Variants in TCF7L1 observed in about 807,000 individuals in gnomAD.
TCF7L1 encodes the protein transcription factor 7-like 1.
A neutral mutation model predicts 63.7 loss-of-function variants in TCF7L1; 18 were observed. The ratio of observed to expected loss-of-function variants is 0.28; its 90% CI spans 0.20 to 0.42. TCF7L1 has a LOEUF of 0.42. TCF7L1 is among the 10% of genes least tolerant of loss of function. The pLI is 1.00. For missense variants in TCF7L1, 654 were observed against 779.3 expected, an observed-to-expected ratio of 0.84 and a Z score of 1.91; for synonymous variants, 355 against 340.9, an observed-to-expected ratio of 1.04 and a Z score of -0.46.
intron 3 of TCF7L1, among the ~76,000 whole-genome samples, chr2:85,229,644 T>C (rs1680029127): frequency 6.6e-6 from 1 of 152,002 alleles, no homozygotes; most frequent in African/African-American, 2.4e-5. Context: ...TTAAAGAAAA[T>C]TTGGAGATTG....
At chr2:85,184,628 G>C (rs1572981124) in intron 3 of TCF7L1, among the ~76,000 whole-genome samples, 1 of 152,132 alleles carries the variant, frequency 6.6e-6, no homozygotes, top group African/African-American at 2.4e-5. Flanking sequence ...CGCAGAAGAT[G>C]ATCTCATCAA....
rs1393829531 is a variant in TCF7L1, at chr2:85,308,437, C to T, written c.1334-592C>T. On this transcript the variant is annotated intron_variant, in intron 11 of 11. Transcript: ENST00000282111. ...TCCCCTTCCCTCCCTCCTTTTCTCC[C>T]TCCCTTTCTCTTTCCCTCCCTCTCT... Among the ~76,000 whole-genome samples the T allele has an allele frequency of 4.4e-5, 4 of 90,636 alleles. 1 individual carries two copies. The East Asian group carries it at 2.0e-3, about 46-fold the overall frequency. The allele number at this position is 90,636 out of a possible 152,430, so 59.5% of individuals were successfully genotyped here.
chr2:85,298,931 C>T (rs191138539), intron 4 of TCF7L1, among the ~76,000 whole-genome samples: 45 of 152,082 alleles, frequency 3.0e-4, no homozygotes, highest in African/African-American at 9.6e-4. Flanking sequence ...CCTTCCCTCC[C>T]GGTTCATTTT....
rs1179561080 is a variant in TCF7L1, at chr2:85,143,407, A to G, written c.441+8957A>G. Among the ~76,000 whole-genome samples, 46 of 152,182 alleles carry G rather than the reference A, an allele frequency of 3.0e-4. 1 individual carries two copies. The highest frequency in any genetic ancestry group is 3.0e-3 in the Admixed American group (46 of 15,280). Reference sequence around the variant, plus strand: ...CTTCAATGCTGGCAAATATGAGGTAAAATGGCTGCTCCGGCTGCTCTTTTT... The same window carrying G: ...CTTCAATGCTGGCAAATATGAGGTAGAATGGCTGCTCCGGCTGCTCTTTTT... On this transcript the variant is annotated intron_variant, in intron 3 of 11. Transcript: ENST00000282111.
chr2:85,170,467 G>T (rs931330079), intron 3 of TCF7L1, among the ~76,000 whole-genome samples: 1 of 152,144 alleles, frequency 6.6e-6, no homozygotes, highest in Non-Finnish European at 1.5e-5. Flanking sequence ...TTTGTTCCTG[G>T]TGCCATGCCA....
At chr2:85,195,942 G>A (rs758595768) in intron 3 of TCF7L1, among the ~76,000 whole-genome samples, 8 of 152,190 alleles carry the variant, frequency 5.3e-5, no homozygotes, top group African/African-American at 7.2e-5. Flanking sequence ...AGCTGACTGA[G>A]ATCAGAAAAA....
At chr2:85,160,381 C>G (rs1398516083) in intron 3 of TCF7L1, among the ~76,000 whole-genome samples, 2 of 152,158 alleles carry the variant, frequency 1.3e-5, no homozygotes, top group Non-Finnish European at 2.9e-5. Flanking sequence ...TGTGTCACCA[C>G]GCCCAGCAAA....
At chr2:85,294,198 G>T (rs1291245897) in intron 4 of TCF7L1, among the ~76,000 whole-genome samples, 2 of 151,804 alleles carry the variant, frequency 1.3e-5, no homozygotes, top group Non-Finnish European at 2.9e-5. Context: ...CACCACGCCC[G>T]GCTAATTTTT....
chr2:85,134,209 C>CCGTGGGGCGCG lies in TCF7L1; in HGVS notation c.314-106_314-96dup, dbSNP rs1347616084. The CCGTGGGGCGCG allele has an allele frequency of 6.7e-7, 1 of 1,482,916 alleles. No homozygotes were observed. The highest frequency in any genetic ancestry group is 9.0e-7 in the Non-Finnish European group (1 of 1,114,750). The allele number at this position is 1,482,916 out of a possible 1,614,324, so 91.9% of individuals were successfully genotyped here. On this transcript the variant is annotated intron_variant, in intron 2 of 11. Coordinates refer to ENST00000282111, the MANE Select transcript of TCF7L1 (RefSeq NM_031283.3). This position sits in a 1 kb window ranked among gnomAD's most constrained non-coding sequence, Gnocchi z 5.0. ...CCTCCGCCTTTATTGGCGGCAGCCCCCGTGGGGCGCGCGTGGGGGGCGCTG... is the reference window on the plus strand; with the variant it reads ...CCTCCGCCTTTATTGGCGGCAGCCCCCGTGGGGCGCGCGTGGGGCGCGCGTGGGGGGCGCTG...
chr2:85,261,317 A>G (rs1427043948), intron 3 of TCF7L1, among the ~76,000 whole-genome samples: 1 of 152,212 alleles, frequency 6.6e-6, no homozygotes, highest in Non-Finnish European at 1.5e-5. Context: ...GAAGTGTATT[A>G]CACAGGCCAG....
At chr2:85,228,589 C>T (rs531381720) in intron 3 of TCF7L1, among the ~76,000 whole-genome samples, 1 of 152,180 alleles carries the variant, frequency 6.6e-6, no homozygotes, top group Non-Finnish European at 1.5e-5. Context: ...AAGTATGCCA[C>T]CTGACTTGGG....
Position 85,305,416 on chromosome 2 carries a change from C to T in TCF7L1, c.989+13C>T. 6 of 1,598,126 alleles carry T rather than the reference C, an allele frequency of 3.8e-6. No homozygotes were observed. Among genetic ancestry groups the T allele is most frequent in the Non-Finnish European group, 5.1e-6 (6 of 1,171,558 alleles). ...CTGCAGTGAGCGTGTAAGTAAGCGG[C>T]AGCCTGGATTCAGGTGGGAGGGTGC... is the stretch of plus-strand genomic sequence containing the variant. On this transcript the variant is annotated intron_variant, in intron 8 of 11. Coordinates refer to ENST00000282111, the MANE Select transcript of TCF7L1 (RefSeq NM_031283.3).
At chr2:85,224,010 T>C (rs1187555969) in intron 3 of TCF7L1, among the ~76,000 whole-genome samples, 1 of 152,202 alleles carries the variant, frequency 6.6e-6, no homozygotes, top group Non-Finnish European at 1.5e-5. Context: ...ATTGTTCAAC[T>C]CCCACCTATG....
chr2:85,267,711 A>G (rs1413111215), intron 3 of TCF7L1, among the ~76,000 whole-genome samples: 1 of 152,038 alleles, frequency 6.6e-6, no homozygotes, highest in Non-Finnish European at 1.5e-5. Flanking sequence ...AAGTTAGTTA[A>G]CCTCTTTGTA....
chr2:85,148,129 C>A (rs879313203), intron 3 of TCF7L1, among the ~76,000 whole-genome samples: 1 of 152,034 alleles, frequency 6.6e-6, no homozygotes, highest in Non-Finnish European at 1.5e-5. Context: ...GAGAGTGAGA[C>A]GCTGGTGCTG....
At chr2:85,257,469 A>C (rs1441162569) in intron 3 of TCF7L1, among the ~76,000 whole-genome samples, 2 of 152,200 alleles carry the variant, frequency 1.3e-5, no homozygotes, top group African/African-American at 2.4e-5. Flanking sequence ...GAAGTTGCAC[A>C]GCAGCCAGAT....
chr2:85,175,345 T>C (rs912539141), intron 3 of TCF7L1, among the ~76,000 whole-genome samples: 9 of 152,162 alleles, frequency 5.9e-5, no homozygotes, highest in African/African-American at 1.9e-4. Flanking sequence ...TTGATAAAAA[T>C]TTGAACCATG....
chr2:85,185,054 T>C (rs1005099267), intron 3 of TCF7L1, among the ~76,000 whole-genome samples: 2 of 152,192 alleles, frequency 1.3e-5, no homozygotes, highest in Non-Finnish European at 2.9e-5. Flanking sequence ...GCTTGTTCTC[T>C]TCCACCATTC....
At chr2:85,185,841 G>C (rs548331760) in intron 3 of TCF7L1, among the ~76,000 whole-genome samples, 2 of 152,130 alleles carry the variant, frequency 1.3e-5, no homozygotes. Context: ...CCCCATGTTG[G>C]TGGAGGCCTC....
Sources: gnomAD v4.1 joint callset for allele counts (sites outside exome capture counted in the v4.1 genomes callset) on GRCh38, gnomAD v4.1.1 for gene constraint, Gnocchi (gnomAD v3.1) non-coding constraint, MANE v1.5 for transcripts, NCBI Gene and HGNC (gene_info 2026-07-23, HGNC 2026-07-21) for gene names.